Variants in CEP89 observed in about 807,000 individuals in gnomAD.
CEP89 encodes centrosomal protein of 89 kDa.
A neutral mutation model predicts 97.6 loss-of-function variants in CEP89; 95 were observed. That is an observed-to-expected ratio of 0.97 (90% CI 0.82 to 1.15). CEP89 has a LOEUF of 1.15. CEP89 is among the 50% of genes most tolerant of loss of function. The pLI is 0.00. For synonymous variants in CEP89, 354 were observed against 349.1 expected (o/e 1.01, Z -0.16); for missense variants, 869 against 947.7 (o/e 0.92, Z 1.09).
intron 2 of CEP89, among the ~76,000 whole-genome samples, chr19:32,962,942 C>T (rs1971200028): frequency 6.6e-6 from 1 of 152,122 alleles, no homozygotes; most frequent in Non-Finnish European, 1.5e-5. Flanking sequence ...TTGTGACCAA[C>T]AAGGAATGCC....
intron 2 of CEP89, among the ~76,000 whole-genome samples, chr19:32,960,877 G>C (rs962046781): frequency 3.3e-5 from 5 of 152,106 alleles, no homozygotes; most frequent in Non-Finnish European, 7.4e-5. Flanking sequence ...AAATTTCCAG[G>C]TCACAGCACA....
At chr19:32,917,093 C>T (rs939877012) in intron 13 of CEP89, among the ~76,000 whole-genome samples, 6 of 152,176 alleles carry the variant, frequency 3.9e-5, no homozygotes, top group African/African-American at 1.2e-4. Flanking sequence ...CTCACTGAAT[C>T]ATAGAGGTCA....
chr19:32,926,808 C>T (rs147206889), intron 10 of CEP89, 126 bp downstream of exon 10: 9 of 759,952 alleles, frequency 1.2e-5, no homozygotes, highest in South Asian at 3.3e-5. Flanking sequence ...CTGATCCACC[C>T]GCCTCAGCCT....
chr19:32,904,578 A>T (rs1459920840), intron 14 of CEP89, among the ~76,000 whole-genome samples: 1 of 151,208 alleles, frequency 6.6e-6, no homozygotes, highest in Non-Finnish European at 1.5e-5. Context: ...AGTTTTCAAA[A>T]TATCATTTTC....
At chr19:32,971,381 G>A in intron 1 of CEP89, 1 of 426,654 alleles carries the variant, frequency 2.3e-6, no homozygotes, top group Non-Finnish European at 4.1e-6. Context: ...CCGACCCTGG[G>A]GCAGAAGATT....
At chr19:32,945,866 C>T (rs1193124283) in intron 5 of CEP89, among the ~76,000 whole-genome samples, 1 of 152,102 alleles carries the variant, frequency 6.6e-6, no homozygotes, top group Non-Finnish European at 1.5e-5. Flanking sequence ...TCTCCTGGCC[C>T]CCTATCCCAG....
rs1861240940 is a variant in CEP89 at position 32,963,261 on chromosome 19, C to G, written c.146+3099G>C. 2.0e-5 allele frequency among the ~76,000 whole-genome samples: 3 copies of G among 152,108 alleles called. No homozygotes were observed. The South Asian group carries it at 6.2e-4, about 32-fold the overall frequency. On this transcript the variant is annotated intron_variant, in intron 2 of 18. Coordinates refer to ENST00000305768, the MANE Select transcript of CEP89 (RefSeq NM_032816.5). ...ATCCCAGCTACTTAGGAGGCTGAAG[C>G]ATGAGAATCGCTTGAATCCAGGAGG...
chr19:32,918,312 CA>C lies in CEP89; in HGVS notation c.1295del (p.Leu432ArgfsTer3), dbSNP rs748645203. The C allele has an allele frequency of 4.0e-5, 64 of 1,613,978 alleles. No homozygotes were observed. Among genetic ancestry groups the C allele is most frequent in the Non-Finnish European group, 4.9e-5 (58 of 1,180,008 alleles). ...EWRQLQTQAK[L>X]VLEENKLLLE... ...GCAACAACTTGTTTTCCTCTAAAAC[CA>C]GTTTTGCTTGAGTCTGAAGCTGACG... On this transcript the variant is annotated frameshift_variant, in exon 13 of 19. Transcript: ENST00000305768. LOFTEE classifies it high-confidence loss of function.
chr19:32,905,264 T>C (rs2145893948), intron 14 of CEP89, among the ~76,000 whole-genome samples: 1 of 152,306 alleles, frequency 6.6e-6, no homozygotes, highest in Non-Finnish European at 1.5e-5. Flanking sequence ...TAGAATTTAA[T>C]AGAAGTTTTA....
chr19:32,898,756 C>T (rs1969698242), intron 16 of CEP89, among the ~76,000 whole-genome samples: 1 of 151,914 alleles, frequency 6.6e-6, no homozygotes, highest in Non-Finnish European at 1.5e-5. Context: ...GTGGCATGCA[C>T]CTGTAGTCCC....
At chr19:32,920,988 C>T (rs890668645) in intron 12 of CEP89, among the ~76,000 whole-genome samples, 13 of 151,662 alleles carry the variant, frequency 8.6e-5, no homozygotes, top group African/African-American at 2.4e-4. Context: ...GAGGCCGAGG[C>T]GGGCAGATCA....
intron 15 of CEP89, among the ~76,000 whole-genome samples, chr19:32,900,381 G>A: frequency 6.6e-6 from 1 of 151,660 alleles, no homozygotes; most frequent in Non-Finnish European, 1.5e-5. Flanking sequence ...GAGTAGTTGG[G>A]ATTAGAGGCA....
At chr19:32,919,687 T>C (rs1363074445) in intron 12 of CEP89, among the ~76,000 whole-genome samples, 1 of 152,070 alleles carries the variant, frequency 6.6e-6, no homozygotes, top group African/African-American at 2.4e-5. Flanking sequence ...TATTTAGAGA[T>C]AGGGTCTCAC....
At chr19:32,903,498 C>T (rs1653362272) in intron 14 of CEP89, among the ~76,000 whole-genome samples, 1 of 152,098 alleles carries the variant, frequency 6.6e-6, no homozygotes, top group Admixed American at 6.6e-5. Flanking sequence ...AGAAAAATAG[C>T]ATGCTGGGGA....
intron 10 of CEP89, among the ~76,000 whole-genome samples, chr19:32,926,601 G>A (rs1222635530): frequency 2.6e-5 from 4 of 152,196 alleles, no homozygotes; most frequent in South Asian, 4.1e-4. Context: ...CCACTCTGCC[G>A]CCCAGGCTCG....
intron 14 of CEP89, among the ~76,000 whole-genome samples, chr19:32,907,341 A>G (rs1179855446): frequency 6.6e-6 from 1 of 152,256 alleles, no homozygotes; most frequent in Admixed American, 6.5e-5. Context: ...AGCCTGAGAC[A>G]AGATGAGATC....
intron 18 of CEP89, among the ~76,000 whole-genome samples, chr19:32,879,922 G>A (rs1969245879): frequency 6.6e-6 from 1 of 152,250 alleles, no homozygotes; most frequent in Admixed American, 6.5e-5. Context: ...CAGGGGGTGA[G>A]GTGGGGGACC....
In CEP89 at chr19:32,878,836, T is replaced by G. The variant is rs539167942; in HGVS notation, c.*326A>C. ...GAAAAAAATTAGCTGGGCCTGACAG[T>G]GCACACCTGAGGTCCCAGCTACTCA... On this transcript the variant is annotated 3_prime_UTR_variant, in exon 19 of 19. Transcript: ENST00000305768. 4.4e-6 allele frequency: 1 copy of G among 228,750 alleles called. No homozygotes were observed. Among genetic ancestry groups the G allele is most frequent in the Admixed American group, 5.4e-5 (1 of 18,354 alleles). 14.2% of individuals were successfully genotyped at this position (228,750 alleles called of 1,614,324 possible). A position where few individuals can be genotyped will look rare whatever the true frequency, so the allele number is the denominator to read the frequency against.
At chr19:32,911,432 G>GA (rs1157669670) in intron 14 of CEP89, among the ~76,000 whole-genome samples, 1 of 152,240 alleles carries the variant, frequency 6.6e-6, no homozygotes, top group East Asian at 1.9e-4. Flanking sequence ...AAGGTGAGTG[G>GA]ACTGCTTGAG....
Sources: allele counts gnomAD v4.1 joint callset (sites outside exome capture counted in the v4.1 genomes callset), GRCh38; gene constraint gnomAD v4.1.1; transcripts MANE v1.5; gene names NCBI Gene and HGNC (gene_info 2026-07-23, HGNC 2026-07-21).